Variants in NRG1 observed in about 807,000 individuals in gnomAD.
The protein encoded by NRG1 is pro-neuregulin-1, membrane-bound isoform.
NRG1 carries 18 observed loss-of-function variants against 63.8 expected under a neutral mutation model. The ratio of observed to expected loss-of-function variants is 0.28; its 90% confidence interval spans 0.19 to 0.42. The LOEUF (loss-of-function observed/expected upper bound fraction) is 0.42. Ranked by LOEUF, NRG1 falls within the 10% of genes least tolerant of loss-of-function variation. The pLI is 1.00. For synonymous variants in NRG1, 302 were observed against 301.3 expected (o/e 1.00, Z -0.02); for missense variants, 762 against 814.7 (o/e 0.94, Z 0.79).
At chr8:32,335,816 G>A (rs951169422) in intron 1 of NRG1, among the ~76,000 whole-genome samples, 3 of 152,182 alleles carry the variant, frequency 2.0e-5, no homozygotes, top group Middle Eastern at 3.4e-3. Context: ...CCGTCTCCTC[G>A]CTGTGCTGAG....
At chr8:32,575,799 T>G (rs1258917187) in intron 1 of NRG1, among the ~76,000 whole-genome samples, 1 of 152,154 alleles carries the variant, frequency 6.6e-6, no homozygotes, top group South Asian at 2.1e-4. Context: ...TAACTGTTAT[T>G]TTTTAGATCT....
chr8:32,598,307 A>G (rs1160996667), intron 2 of NRG1, among the ~76,000 whole-genome samples: 1 of 152,136 alleles, frequency 6.6e-6, no homozygotes, highest in Non-Finnish European at 1.5e-5. Context: ...GCAGATATTC[A>G]ATCTGATGCT....
intron 1 of NRG1, among the ~76,000 whole-genome samples, chr8:31,652,354 A>G (rs1169009473): frequency 6.6e-6 from 1 of 152,094 alleles, no homozygotes; most frequent in Non-Finnish European, 1.5e-5. Flanking sequence ...TCTCACATCC[A>G]TTTTCTATAC....
intron 1 of NRG1, among the ~76,000 whole-genome samples, chr8:32,452,576 G>A (rs1821095103): frequency 6.6e-6 from 1 of 152,124 alleles, no homozygotes; most frequent in African/African-American, 2.4e-5. Flanking sequence ...ATAAATTGGG[G>A]CTTAATTGTA....
At chr8:32,080,780 T>C (rs201379692) in intron 1 of NRG1, among the ~76,000 whole-genome samples, 15,513 of 149,316 alleles carry the variant, frequency 0.1, 1,456 homozygotes, top group African/African-American at 0.24. Flanking sequence ...TGTGTGTGTG[T>C]GTGTGTGTGT....
intron 1 of NRG1, among the ~76,000 whole-genome samples, chr8:32,443,730 C>A (rs540136416): frequency 6.6e-6 from 1 of 152,086 alleles, no homozygotes; most frequent in Non-Finnish European, 1.5e-5. Context: ...ACCAAGCCTT[C>A]CTAGATAGAA....
intron 5 of NRG1, among the ~76,000 whole-genome samples, chr8:32,695,736 T>C (rs1403237813): frequency 6.6e-6 from 1 of 152,204 alleles, no homozygotes; most frequent in Non-Finnish European, 1.5e-5. Context: ...CGACCTTCTT[T>C]TTGCTAATGT....
chr8:32,633,889 C>T (rs1001296855), intron 5 of NRG1, among the ~76,000 whole-genome samples: 1 of 151,876 alleles, frequency 6.6e-6, no homozygotes, highest in East Asian at 1.9e-4. Flanking sequence ...CACCTGTAGT[C>T]CCAGTACTTT....
At chr8:32,721,482 G>C (rs1367920039) in intron 5 of NRG1, among the ~76,000 whole-genome samples, 2 of 152,042 alleles carry the variant, frequency 1.3e-5, no homozygotes, top group Admixed American at 6.6e-5. Context: ...GAAAGTCCTA[G>C]TTCCATTAAC....
intron 1 of NRG1, among the ~76,000 whole-genome samples, chr8:31,987,318 ATATG>A (rs1554593680): frequency 7.3e-4 from 55 of 75,222 alleles, no homozygotes; most frequent in African/African-American, 2.6e-3. Flanking sequence ...AAAAACATAT[ATATG>A]TGTGTGTGTG....
intron 1 of NRG1, among the ~76,000 whole-genome samples, chr8:31,933,306 G>A (rs1192235978): frequency 6.6e-6 from 1 of 151,142 alleles, no homozygotes; most frequent in South Asian, 2.1e-4. Flanking sequence ...TTGAGACAGA[G>A]TTTCACTCTT....
At chr8:32,418,881 C>A (rs1816305956) in intron 1 of NRG1, among the ~76,000 whole-genome samples, 2 of 152,128 alleles carry the variant, frequency 1.3e-5, no homozygotes, top group South Asian at 4.1e-4. Flanking sequence ...TGAGCTTCAT[C>A]CAGCACTGGA....
At chr8:31,871,444 G>A (rs562220952) in intron 1 of NRG1, among the ~76,000 whole-genome samples, 13 of 151,902 alleles carry the variant, frequency 8.6e-5, no homozygotes, top group South Asian at 2.1e-4. Context: ...CCACTAAATC[G>A]CTCCATGCAA....
intron 1 of NRG1, among the ~76,000 whole-genome samples, chr8:32,174,944 C>G (rs1039751138): frequency 5.9e-5 from 9 of 152,142 alleles, no homozygotes; most frequent in Non-Finnish European, 1.2e-4. Flanking sequence ...CTATTCCAAT[C>G]AATAGAAAAA....
intron 1 of NRG1, among the ~76,000 whole-genome samples, chr8:31,781,954 G>T (rs573584733): frequency 1.3e-5 from 2 of 152,164 alleles, no homozygotes; most frequent in South Asian, 2.1e-4. Flanking sequence ...GAAGAGAGTG[G>T]GCACTTCTCC....
chr8:32,229,111 C>T (rs1229278370), intron 1 of NRG1, among the ~76,000 whole-genome samples: 2 of 152,170 alleles, frequency 1.3e-5, no homozygotes, highest in African/African-American at 4.8e-5. Context: ...ACCTTGGCAT[C>T]ACCAGGTCAA....
intron 1 of NRG1, among the ~76,000 whole-genome samples, chr8:31,785,647 T>C (rs1297222116): frequency 6.6e-6 from 1 of 152,248 alleles, no homozygotes; most frequent in Non-Finnish European, 1.5e-5. Context: ...TCACTTCATT[T>C]AACTTCATTC....
In NRG1 at chr8:31,640,116, G is replaced by A. The variant is rs1450619880; in HGVS notation, c.37+685G>A. On this transcript the variant is annotated intron_variant, in intron 1 of 10. Coordinates refer to the NRG1 transcript ENST00000519301. The surrounding 1 kb of genome is among the most constrained non-coding windows in gnomAD (Gnocchi z 6.3). Reference sequence around the variant, plus strand: ...TGCTGCTGCTGGGGACCGCGGCCCTGGCGCCGGGGGCGGCGGCCGGCAACG... The same window carrying A: ...TGCTGCTGCTGGGGACCGCGGCCCTAGCGCCGGGGGCGGCGGCCGGCAACG... The A allele has an allele frequency of 8.7e-7, 1 of 1,152,854 alleles. No individual in the cohort carries two copies. Among genetic ancestry groups the A allele is most frequent in the Non-Finnish European group, 1.1e-6 (1 of 938,854 alleles). The allele number at this position is 1,152,854 out of a possible 1,614,324, so 71.4% of individuals were successfully genotyped here.
chr8:32,326,986 C>T (rs1239433015), intron 1 of NRG1, among the ~76,000 whole-genome samples: 1 of 152,106 alleles, frequency 6.6e-6, no homozygotes, highest in African/African-American at 2.4e-5. Flanking sequence ...ATAAATAGAA[C>T]CTCATCAAAG....
Sources: gnomAD v4.1 joint callset for allele counts (sites outside exome capture counted in the v4.1 genomes callset) on GRCh38, gnomAD v4.1.1 for gene constraint, Gnocchi (gnomAD v3.1) non-coding constraint, MANE v1.5 for transcripts, NCBI Gene and HGNC (gene_info 2026-07-23, HGNC 2026-07-21) for gene names.